Variants in MBNL2 observed in about 807,000 individuals in gnomAD.
MBNL2 encodes the protein muscleblind-like protein 2.
A neutral mutation model predicts 41.9 loss-of-function variants in MBNL2; 17 were observed. The observed-to-expected ratio is 0.41, with a 90% CI of 0.28 to 0.61. MBNL2 has a LOEUF of 0.61. Among genes scored for constraint, MBNL2 ranks in the 20% least tolerant of loss-of-function variants. The pLI, the probability that MBNL2 is intolerant of heterozygous loss-of-function variation, is 0.35. For missense variants in MBNL2, 336 were observed against 505.6 expected, an observed-to-expected ratio of 0.66 and a Z score of 3.22; for synonymous variants, 195 against 182.9, an observed-to-expected ratio of 1.07 and a Z score of -0.53.
In MBNL2 at chr13:97,246,361, A is replaced by C. The variant is rs145008597; in HGVS notation, c.-605+23830A>C. ...GAACTTCAAACATTTATTGCAAACC[A>C]CTTTGCCTTTTTATTTCAAAAAGAA... On this transcript the variant is annotated intron_variant, in intron 1 of 8. Coordinates refer to ENST00000679496, the MANE Select transcript of MBNL2 (RefSeq NM_001382683.1). Among the ~76,000 whole-genome samples, 427 of 152,136 alleles carry C rather than the reference A, an allele frequency of 2.8e-3. 2 individuals are homozygous for C. The highest frequency in any genetic ancestry group is 9.7e-3 in the African/African-American group (402 of 41,474).
chr13:97,253,972 C>A (rs2047067088), intron 1 of MBNL2, among the ~76,000 whole-genome samples: 1 of 152,050 alleles, frequency 6.6e-6, no homozygotes. Flanking sequence ...TCACTGCAAC[C>A]TCCGCCTCCT....
intron 2 of MBNL2, among the ~76,000 whole-genome samples, chr13:97,281,035 C>T (rs906019354): frequency 6.6e-6 from 1 of 152,206 alleles, no homozygotes; most frequent in African/African-American, 2.4e-5. Flanking sequence ...TCTGCTAGAA[C>T]ATAAGCTCTA....
At chr13:97,356,353 C>T (rs1473345504) in intron 5 of MBNL2, among the ~76,000 whole-genome samples, 1 of 152,090 alleles carries the variant, frequency 6.6e-6, no homozygotes, top group Non-Finnish European at 1.5e-5. Flanking sequence ...ACTCGATGGA[C>T]TCATTATTTC....
intron 1 of MBNL2, among the ~76,000 whole-genome samples, chr13:97,224,699 A>G (rs529368192): frequency 6.6e-6 from 1 of 152,252 alleles, no homozygotes; most frequent in Admixed American, 6.5e-5. Flanking sequence ...ACAAAGGGAT[A>G]AAACCTCGGT....
At chr13:97,204,316 G>C in the MBNL2 span, among the ~76,000 whole-genome samples, 5 of 152,188 alleles carry the variant, frequency 3.3e-5, no homozygotes, top group Non-Finnish European at 7.3e-5. Flanking sequence ...CATCCATAGA[G>C]AGTTTGAAGG....
the MBNL2 span, among the ~76,000 whole-genome samples, chr13:97,152,085 T>C: frequency 3.3e-5 from 5 of 152,002 alleles, no homozygotes; most frequent in African/African-American, 1.2e-4. Context: ...GACAATGCAG[T>C]GAGAACACTT....
chr13:97,172,670 C>G, the MBNL2 span: 1 of 152,146 alleles, frequency 6.6e-6, no homozygotes, highest in Non-Finnish European at 1.5e-5. Flanking sequence ...AAAACTTAAT[C>G]ACACTATTCA....
At chr13:97,251,653 C>T (rs983479997) in intron 1 of MBNL2, among the ~76,000 whole-genome samples, 13 of 152,098 alleles carry the variant, frequency 8.5e-5, no homozygotes, top group Non-Finnish European at 1.9e-4. Context: ...ATGAAAGATT[C>T]TTTTTCCCTT....
chr13:97,234,527 A>G (rs996490020), intron 1 of MBNL2, among the ~76,000 whole-genome samples: 1 of 152,124 alleles, frequency 6.6e-6, no homozygotes, highest in African/African-American at 2.4e-5. Flanking sequence ...AGATGAAGGT[A>G]AAGTGTGGCG....
chr13:97,255,066 C>T (rs2047274354), intron 1 of MBNL2, among the ~76,000 whole-genome samples: 1 of 152,112 alleles, frequency 6.6e-6, no homozygotes, highest in South Asian at 2.1e-4. Context: ...AACCAAACCC[C>T]AATGAGTCAC....
intron 1 of MBNL2, among the ~76,000 whole-genome samples, chr13:97,262,846 C>T (rs2048904634): frequency 6.6e-6 from 1 of 152,164 alleles, no homozygotes; most frequent in Non-Finnish European, 1.5e-5. Flanking sequence ...TCACTGCAAC[C>T]TCTGCCTCCT....
At chr13:97,308,545 C>T (rs2058318494) in intron 2 of MBNL2, among the ~76,000 whole-genome samples, 1 of 152,190 alleles carries the variant, frequency 6.6e-6, no homozygotes, top group South Asian at 2.1e-4. Context: ...GCCCATTTAA[C>T]ACTGCTCATA....
chr13:97,194,276 C>T, the MBNL2 span, among the ~76,000 whole-genome samples: 1 of 152,202 alleles, frequency 6.6e-6, no homozygotes, highest in Admixed American at 6.5e-5. Flanking sequence ...GGGATCCTTT[C>T]CATTTGGTTC....
At position 97,232,888 on chromosome 13, in the gene MBNL2, T is replaced by TGTGTGTGTGCGC. The variant is rs1445127203; in HGVS notation, c.-605+10360_-605+10361insTGTGTGCGCGTG. ...GTGTGTGTGTGTGTGTGTGTGTGTG[T>TGTGTGTGTGCGC]GTGCGCACGTACACTGAATGAACTT... On this transcript the variant is annotated intron_variant, in intron 1 of 8. Transcript: ENST00000679496. Among the ~76,000 whole-genome samples, 4 of 146,302 alleles carry TGTGTGTGTGCGC rather than the reference T, an allele frequency of 2.7e-5. No homozygotes were observed. In the South Asian group the frequency reaches 8.7e-4, roughly 32 times the overall value.
intron 1 of MBNL2, among the ~76,000 whole-genome samples, chr13:97,248,207 C>T (rs1339104935): frequency 6.6e-6 from 1 of 152,174 alleles, no homozygotes; most frequent in East Asian, 1.9e-4. Flanking sequence ...ATCTCGCCTC[C>T]ACCTCCTGGG....
At chr13:97,173,237 G>A in the MBNL2 span, among the ~76,000 whole-genome samples, 2 of 152,152 alleles carry the variant, frequency 1.3e-5, no homozygotes, top group South Asian at 2.1e-4. Context: ...TGAATCAAAG[G>A]TAAGACACTG....
At chr13:97,186,139 A>G in the MBNL2 span, among the ~76,000 whole-genome samples, 1 of 152,228 alleles carries the variant, frequency 6.6e-6, no homozygotes, top group Non-Finnish European at 1.5e-5. Flanking sequence ...TCAGCTAAGC[A>G]CCAAAAGGGG....
intron 1 of MBNL2, among the ~76,000 whole-genome samples, chr13:97,238,911 T>C (rs543937165): frequency 6.6e-6 from 1 of 152,312 alleles, no homozygotes; most frequent in African/African-American, 2.4e-5. Flanking sequence ...GATTCTGCTC[T>C]ACCAGGAAAG....
intron 5 of MBNL2, among the ~76,000 whole-genome samples, chr13:97,356,399 C>T (rs1207811688): frequency 1.4e-5 from 2 of 141,576 alleles, no homozygotes; most frequent in East Asian, 2.0e-4. Context: ...GTTCTTCGAT[C>T]CTATGGCCCT....
Sources: gnomAD v4.1 joint callset for allele counts (sites outside exome capture counted in the v4.1 genomes callset) on GRCh38, gnomAD v4.1.1 for gene constraint, MANE v1.5 for transcripts, NCBI Gene and HGNC (gene_info 2026-07-23, HGNC 2026-07-21) for gene names.